Variants in TXLNB observed in about 807,000 individuals in gnomAD.
The protein encoded by TXLNB is beta-taxilin.
In TXLNB, 37 loss-of-function variants were observed where a neutral mutation model predicts 57.4. The ratio of observed to expected loss-of-function variants is 0.64; its 90% confidence interval spans 0.50 to 0.85. TXLNB has a LOEUF of 0.85. Ranked by LOEUF, TXLNB falls within the 40% of genes least tolerant of loss-of-function variation. The probability of loss-of-function intolerance (pLI) is 0.00; values close to 1 mark genes in which losing one functional copy is unlikely to be tolerated. For synonymous variants in TXLNB, 302 were observed against 309.6 expected (o/e 0.98, Z 0.26); for missense variants, 848 against 825.6 (o/e 1.03, Z -0.33).
At chr6:139,179,708 T>A in the TXLNB span, 1 of 152,190 alleles carries the variant, frequency 6.6e-6, no homozygotes, top group Non-Finnish European at 1.5e-5. Context: ...TCTACTGACC[T>A]TAATACCCCA....
At chr6:139,297,444 G>A in the TXLNB span, among the ~76,000 whole-genome samples, 1 of 152,148 alleles carries the variant, frequency 6.6e-6, no homozygotes, top group Non-Finnish European at 1.5e-5. Flanking sequence ...GGGGGCAGGG[G>A]TAAACTAAAT....
At chr6:139,163,911 A>C in the TXLNB span, among the ~76,000 whole-genome samples, 1 of 152,104 alleles carries the variant, frequency 6.6e-6, no homozygotes, top group Non-Finnish European at 1.5e-5. Context: ...CTTGAGCTCC[A>C]GTCAAATTCA....
chr6:139,323,457 T>C, the TXLNB span, among the ~76,000 whole-genome samples: 1 of 147,806 alleles, frequency 6.8e-6, no homozygotes, highest in Non-Finnish European at 1.5e-5. Flanking sequence ...TAATTTTTTG[T>C]ATTTTTAGTA....
At chr6:139,222,157 T>C in the TXLNB span, among the ~76,000 whole-genome samples, 1 of 152,096 alleles carries the variant, frequency 6.6e-6, no homozygotes, top group African/African-American at 2.4e-5. Flanking sequence ...ACAAAAATTG[T>C]CAGACTAGAT....
chr6:139,302,609 C>CAAA, the TXLNB span, among the ~76,000 whole-genome samples: 621 of 118,114 alleles, frequency 5.3e-3, 2 homozygotes, highest in Middle Eastern at 8.8e-3. Flanking sequence ...ACTAAAAATA[C>CAAA]AAAAAAAAAA....
rs778795791 is a variant in TXLNB, at chr6:139,243,253, AG to A, written c.1327del (p.Leu443SerfsTer58). The A allele has an allele frequency of 1.9e-6, 3 of 1,613,814 alleles. No homozygotes were observed. Among genetic ancestry groups the A allele is most frequent in the Non-Finnish European group, 2.5e-6 (3 of 1,180,016 alleles). On this transcript the variant is annotated frameshift_variant, in exon 10 of 10. Coordinates refer to ENST00000358430, the MANE Select transcript of TXLNB (RefSeq NM_153235.4). LOFTEE classifies it low-confidence loss of function (END_TRUNC). ...FVMKIGRLEN[L>X]CRALQEERNE... Reference sequence around the variant, plus strand: ...TCTCTCTTCTTGTAAAGCACGGCAGAGGTTCTCTAGCCTCCCGATTTTCATC... The same window carrying A: ...TCTCTCTTCTTGTAAAGCACGGCAGAGTTCTCTAGCCTCCCGATTTTCATC...
the TXLNB span, among the ~76,000 whole-genome samples, chr6:139,160,826 T>C: frequency 6.6e-6 from 1 of 152,174 alleles, no homozygotes; most frequent in African/African-American, 2.4e-5. Context: ...GGTATAAAAT[T>C]ATGGTAGCAT....
the TXLNB span, among the ~76,000 whole-genome samples, chr6:139,300,616 C>A: frequency 6.6e-6 from 1 of 152,146 alleles, no homozygotes; most frequent in Non-Finnish European, 1.5e-5. Context: ...AAGAGAACTT[C>A]AGCTGGGTGC....
At chr6:139,303,747 G>A in the TXLNB span, among the ~76,000 whole-genome samples, 4 of 151,220 alleles carry the variant, frequency 2.6e-5, no homozygotes, top group East Asian at 5.8e-4. Context: ...AACAGAATTA[G>A]AAATATTAAC....
the TXLNB span, among the ~76,000 whole-genome samples, chr6:139,176,363 A>T: frequency 1.3e-5 from 2 of 152,148 alleles, no homozygotes; most frequent in Non-Finnish European, 2.9e-5. This position sits in a 1 kb window ranked among gnomAD's most constrained non-coding sequence, Gnocchi z 4.5. Flanking sequence ...AGTCTGTTTT[A>T]TTTATAATTT....
chr6:139,243,876 G>A (rs913914097), intron 9 of TXLNB, among the ~76,000 whole-genome samples: 5 of 152,142 alleles, frequency 3.3e-5, no homozygotes, highest in Admixed American at 2.6e-4. Context: ...CACGATGCTG[G>A]CTGCTCAAAC....
At chr6:139,200,609 AGTGGAGAGAG>A in the TXLNB span, among the ~76,000 whole-genome samples, 1 of 152,144 alleles carries the variant, frequency 6.6e-6, no homozygotes, top group Admixed American at 6.5e-5. Flanking sequence ...TGAGAGTGGA[AGTGGAGAGAG>A]GTGGAGAGAA....
chr6:139,223,151 A>T, the TXLNB span, among the ~76,000 whole-genome samples: 1 of 152,262 alleles, frequency 6.6e-6, no homozygotes, highest in African/African-American at 2.4e-5. Context: ...TAAACTATTA[A>T]TTAAAAGATA....
At chr6:139,198,860 G>A in the TXLNB span, among the ~76,000 whole-genome samples, 53 of 152,200 alleles carry the variant, frequency 3.5e-4, no homozygotes, top group Admixed American at 2.7e-3. Flanking sequence ...CCCAGGGAGC[G>A]TCATCATTCC....
At chr6:139,200,375 T>A in the TXLNB span, among the ~76,000 whole-genome samples, 1 of 152,124 alleles carries the variant, frequency 6.6e-6, no homozygotes, top group Admixed American at 6.5e-5. Context: ...GCATGGCAGA[T>A]AAGAGTACCC....
At chr6:139,218,626 C>A in the TXLNB span, among the ~76,000 whole-genome samples, 7 of 152,138 alleles carry the variant, frequency 4.6e-5, no homozygotes, top group Non-Finnish European at 1.0e-4. Context: ...GTGGAGCATG[C>A]CTGTAATCCC....
At chr6:139,211,891 G>A in the TXLNB span, among the ~76,000 whole-genome samples, 2 of 152,268 alleles carry the variant, frequency 1.3e-5, no homozygotes, top group African/African-American at 4.8e-5. Context: ...GATGGAAGAC[G>A]AAATGAATAA....
At chr6:139,169,700 A>G in the TXLNB span, 12 of 152,314 alleles carry the variant, frequency 7.9e-5, no homozygotes, top group East Asian at 2.3e-3. Flanking sequence ...TTCATCTTCC[A>G]GTAGGCTAGC....
chr6:139,247,917 C>A lies in TXLNB; in HGVS notation c.1078-8G>T. ...TCCTGAGTAGAGAGTGAGCTGTAAA[C>A]AGAGGAAAGAGTGGATCTTTCAGAA... On this transcript the variant is annotated splice_region_variant and splice_polypyrimidine_tract_variant and intron_variant, in intron 7 of 9. Coordinates refer to ENST00000358430, the MANE Select transcript of TXLNB (RefSeq NM_153235.4). 1 of 1,560,632 alleles carries A rather than the reference C, an allele frequency of 6.4e-7. No individual in the cohort carries two copies. The highest frequency in any genetic ancestry group is 1.8e-5 in the Admixed American group (1 of 55,340).
Sources: gnomAD v4.1 joint callset for allele counts (sites outside exome capture counted in the v4.1 genomes callset) on GRCh38, gnomAD v4.1.1 for gene constraint, Gnocchi (gnomAD v3.1) non-coding constraint, MANE v1.5 for transcripts, NCBI Gene and HGNC (gene_info 2026-07-23, HGNC 2026-07-21) for gene names.